Variants in COL9A1 observed in about 807,000 individuals in gnomAD.
The protein encoded by COL9A1 is collagen type IX alpha 1 chain.
A neutral mutation model predicts 142.6 loss-of-function variants in COL9A1; 104 were observed. The ratio of observed to expected loss-of-function variants is 0.73; its 90% CI spans 0.62 to 0.86. The LOEUF (loss-of-function observed/expected upper bound fraction) is 0.86. Among genes scored for constraint, COL9A1 ranks in the 40% least tolerant of loss-of-function variants. COL9A1 has a pLI of 0.00. For missense variants in COL9A1, 1,210 were observed against 1,176.6 expected (o/e 1.03, Z -0.42); for synonymous variants, 466 against 396.0 (o/e 1.18, Z -2.10).
At chr6:70,263,842 T>G (rs1253655609) in intron 18 of COL9A1, among the ~76,000 whole-genome samples, 1 of 151,990 alleles carries the variant, frequency 6.6e-6, no homozygotes, top group Non-Finnish European at 1.5e-5. Context: ...CTGATGTCAC[T>G]CATAGAAAAG....
At chr6:70,219,060 T>C (rs1236604881) in intron 37 of COL9A1, among the ~76,000 whole-genome samples, 3 of 152,218 alleles carry the variant, frequency 2.0e-5, no homozygotes, top group Non-Finnish European at 2.9e-5. Context: ...ACAGCATCTA[T>C]AGATAAAGCT....
chr6:70,239,215 T>C, intron 33 of COL9A1, 39 bp downstream of exon 33: 1 of 1,321,256 alleles, frequency 7.6e-7, no homozygotes, highest in Admixed American at 1.7e-5. Context: ...TTATTAATGT[T>C]TTTAATTTTT....
intron 33 of COL9A1, among the ~76,000 whole-genome samples, chr6:70,237,616 G>A (rs2127561941): frequency 6.6e-6 from 1 of 152,266 alleles, no homozygotes; most frequent in African/African-American, 2.4e-5. Flanking sequence ...CTTTTCTTTT[G>A]TTACAGCTTG....
At position 70,260,790 on chromosome 6, in the gene COL9A1, G is replaced by A. The variant is rs1293082490; in HGVS notation, c.1396-80C>T. The A allele has an allele frequency of 2.2e-6, 3 of 1,335,094 alleles. No individual in the cohort carries two copies. The East Asian group carries it at 7.2e-5, about 32-fold the overall frequency. The allele number at this position is 1,335,094 out of a possible 1,614,324, so 82.7% of individuals were successfully genotyped here. A position where few individuals can be genotyped will look rare whatever the true frequency, so the allele number is the denominator to read the frequency against. On this transcript the variant is annotated intron_variant, in intron 19 of 37. Transcript: ENST00000357250. ...AAATCTCATCACAAAAGCTGATCTA[G>A]ACAATGGATATTATCATAACCAAAG... is the stretch of plus-strand genomic sequence containing the variant.
intron 5 of COL9A1, among the ~76,000 whole-genome samples, chr6:70,284,883 G>A (rs1000912276): frequency 5.9e-5 from 9 of 152,108 alleles, no homozygotes; most frequent in Admixed American, 1.3e-4. Context: ...GGATTCTAGA[G>A]CTCCTAAACC....
At chr6:70,245,314 C>A (rs976530826) in intron 28 of COL9A1, among the ~76,000 whole-genome samples, 2 of 152,136 alleles carry the variant, frequency 1.3e-5, no homozygotes, top group Admixed American at 6.5e-5. Flanking sequence ...AAAACATAGA[C>A]TAAACACATT....
chr6:70,258,487 G>A (rs1171385037), intron 20 of COL9A1: 3 of 152,188 alleles, frequency 2.0e-5, no homozygotes, highest in Admixed American at 6.5e-5. Context: ...AGGTACCAGA[G>A]AGCCCTGAAA....
At chr6:70,267,638 TAAGTGCAAAGGGA>T (rs577649673) in intron 17 of COL9A1, among the ~76,000 whole-genome samples, 1 of 152,322 alleles carries the variant, frequency 6.6e-6, no homozygotes, top group East Asian at 1.9e-4. Flanking sequence ...GTACAGTTTT[TAAGTGCAAAGGGA>T]AAGCAATAAA....
At chr6:70,282,854 C>A in intron 7 of COL9A1, 44 bp downstream of exon 7, 1 of 1,613,956 alleles carries the variant, frequency 6.2e-7, no homozygotes, top group Middle Eastern at 1.7e-4. Flanking sequence ...GACCTGTCCT[C>A]GTGTGCGCTT....
intron 20 of COL9A1, among the ~76,000 whole-genome samples, chr6:70,257,640 A>T (rs1451651055): frequency 6.6e-6 from 1 of 152,162 alleles, no homozygotes; most frequent in Non-Finnish European, 1.5e-5. Flanking sequence ...CCAGCTACTC[A>T]GGAGGCTAGA....
Position 70,217,712 on chromosome 6 carries a change from T to C in COL9A1, c.2582-631A>G, listed in dbSNP as rs150392551. Among the ~76,000 whole-genome samples the C allele has an allele frequency of 5.9e-5, 9 of 152,290 alleles. No homozygotes were observed. The East Asian group carries it at 1.7e-3, about 29-fold the overall frequency. ...AACATCCGGGCAGGGAGAAGTATAGTTTAGCGGTTAAAAACACAGGTTTTG... is the reference window on the plus strand; with the variant it reads ...AACATCCGGGCAGGGAGAAGTATAGCTTAGCGGTTAAAAACACAGGTTTTG... On this transcript the variant is annotated intron_variant, in intron 37 of 37. Transcript: ENST00000357250.
intron 8 of COL9A1, 100 bp downstream of exon 8, chr6:70,281,290 G>C (rs1332424565): frequency 1.8e-6 from 2 of 1,141,596 alleles, no homozygotes; most frequent in Non-Finnish European, 2.5e-6. Context: ...GGGAGACCCT[G>C]GTCCTCTCTG....
At position 70,216,861 on chromosome 6, in the gene COL9A1, G is replaced by A. The variant is rs6923452; in HGVS notation, c.*36C>T. 90 of 1,610,802 alleles carry A rather than the reference G, an allele frequency of 5.6e-5. No homozygotes were observed. The highest frequency in any genetic ancestry group is 1.8e-4 in the East Asian group (8 of 44,850). ...TCTCACCCAGGCTCCTTCACCAGGCGTGGTTCATGCAGACAGCCATGCAGC... is the reference window on the plus strand; with the variant it reads ...TCTCACCCAGGCTCCTTCACCAGGCATGGTTCATGCAGACAGCCATGCAGC... On this transcript the variant is annotated 3_prime_UTR_variant, in exon 38 of 38. Transcript: ENST00000357250.
intron 32 of COL9A1, 71 bp downstream of exon 32, chr6:70,240,618 G>GTATATATATATA (rs10686639): frequency 4.0e-5 from 39 of 982,938 alleles, no homozygotes; most frequent in Admixed American, 2.2e-4. Flanking sequence ...TGTGTTAGAA[G>GTATATATATATA]TATATATATA....
intron 5 of COL9A1, among the ~76,000 whole-genome samples, chr6:70,292,865 G>A (rs1213200550): frequency 1.3e-5 from 2 of 152,044 alleles, no homozygotes. Flanking sequence ...TAGTCCAATC[G>A]GCTTTCTAAC....
Position 70,281,436 on chromosome 6 carries a change from G to A in COL9A1, c.830C>T (p.Pro277Leu), listed in dbSNP as rs1025729741. ...ERGPPGEQGP[P>L]GPPGPPGVPG... ...AACTCCAGGGGGGCCCGGAGGCCCG[G>A]GAGGACCCTGCTCACCCGGGGGACC... Residue 277 changes from proline to leucine, a missense_variant, in exon 8 of 38, where the codon CCC becomes CTC. Coordinates refer to ENST00000357250, the MANE Select transcript of COL9A1 (RefSeq NM_001851.6). 1.9e-6 allele frequency: 3 copies of A among 1,613,386 alleles called. No homozygotes were observed. Among genetic ancestry groups the A allele is most frequent in the Non-Finnish European group, 2.5e-6 (3 of 1,179,838 alleles).
intron 4 of COL9A1, among the ~76,000 whole-genome samples, chr6:70,298,804 C>T (rs530875367): frequency 6.6e-6 from 1 of 152,246 alleles, no homozygotes; most frequent in Non-Finnish European, 1.5e-5. Flanking sequence ...CACTTCCATA[C>T]ATGAAAAGAA....
chr6:70,261,755 A>G (rs756893115), intron 19 of COL9A1, among the ~76,000 whole-genome samples: 2 of 152,070 alleles, frequency 1.3e-5, no homozygotes, highest in Non-Finnish European at 2.9e-5. Flanking sequence ...TCATTTACTG[A>G]CTCTAAAGTT....
At chr6:70,283,869 G>T in intron 5 of COL9A1, 49 bp from the exon 6 acceptor site, 1 of 1,354,666 alleles carries the variant, frequency 7.4e-7, no homozygotes, top group Non-Finnish European at 1.0e-6. Flanking sequence ...GACGACTGAA[G>T]CTGGTCATTC....
Sources: allele counts gnomAD v4.1 joint callset (sites outside exome capture counted in the v4.1 genomes callset), GRCh38; gene constraint gnomAD v4.1.1; transcripts MANE v1.5; gene names NCBI Gene and HGNC (gene_info 2026-07-23, HGNC 2026-07-21).